Variants in KLHL3 observed in about 807,000 individuals in gnomAD.
KLHL3 encodes the protein kelch-like protein 3.
A neutral mutation model predicts 70.5 loss-of-function variants in KLHL3; 19 were observed. The observed-to-expected ratio is 0.27, with a 90% confidence interval of 0.19 to 0.40. The LOEUF (loss-of-function observed/expected upper bound fraction) is 0.40. KLHL3 is among the 10% of genes least tolerant of loss of function. KLHL3 has a pLI of 1.00. For synonymous variants in KLHL3, 258 were observed against 290.3 expected (o/e 0.89, Z 1.13); for missense variants, 512 against 771.1 (o/e 0.66, Z 3.98).
chr5:137,683,124 T>C (rs1752075201), intron 5 of KLHL3, among the ~76,000 whole-genome samples: 1 of 152,192 alleles, frequency 6.6e-6, no homozygotes. Context: ...TCACCCAAAT[T>C]TTATCATCCT....
chr5:137,626,383 A>G (rs1288728524), intron 13 of KLHL3, among the ~76,000 whole-genome samples: 1 of 152,180 alleles, frequency 6.6e-6, no homozygotes, highest in African/African-American at 2.4e-5. Context: ...TAATCCCTTT[A>G]CAAGACTGGG....
rs1332088916 is a variant in KLHL3 at position 137,668,162 on chromosome 5, G to C, written c.637-6131C>G. 1.3e-5 allele frequency among the ~76,000 whole-genome samples: 2 copies of C among 152,120 alleles called. 1 individual carries two copies. The highest frequency in any genetic ancestry group is 2.9e-5 in the Non-Finnish European group (2 of 68,016). Reference sequence around the variant, plus strand: ...TCACACCTGTAATCCCAGTACTGTGGGAGGCCGAGGAGGCCAAGGTGGGCG... The same window carrying C: ...TCACACCTGTAATCCCAGTACTGTGCGAGGCCGAGGAGGCCAAGGTGGGCG... On this transcript the variant is annotated intron_variant, in intron 6 of 14. Transcript: ENST00000309755.
chr5:137,724,574 G>C (rs1753056045), intron 1 of KLHL3, among the ~76,000 whole-genome samples: 1 of 152,224 alleles, frequency 6.6e-6, no homozygotes, highest in Non-Finnish European at 1.5e-5. Context: ...CAAGTGACTT[G>C]CTGATGACCA....
chr5:137,661,875 G>C (rs925893664), intron 7 of KLHL3, 40 bp downstream of exon 7: 1 of 1,125,124 alleles, frequency 8.9e-7, no homozygotes, highest in Admixed American at 1.7e-5. Context: ...TACAGGTCTG[G>C]GTGAACACAG....
At chr5:137,729,529 G>A (rs1561622612) in intron 1 of KLHL3, among the ~76,000 whole-genome samples, 2 of 152,146 alleles carry the variant, frequency 1.3e-5, no homozygotes, top group South Asian at 2.1e-4. Context: ...GGCCTCCCCC[G>A]TGGTTGTCCT....
intron 12 of KLHL3, chr5:137,629,623 A>G (rs1054054174): frequency 6.6e-5 from 10 of 152,262 alleles, no homozygotes; most frequent in African/African-American, 2.2e-4. Context: ...GCTCCACAGC[A>G]GTAGGTTCTC....
At chr5:137,733,353 T>C (rs1014427437) in intron 1 of KLHL3, among the ~76,000 whole-genome samples, 1 of 152,240 alleles carries the variant, frequency 6.6e-6, no homozygotes, top group African/African-American at 2.4e-5. Context: ...ACTTTCTTTT[T>C]AGTTATCAGA....
chr5:137,639,135 G>A lies in KLHL3; in HGVS notation c.1037C>T (p.Ala346Val), dbSNP rs755460792. 21 of 1,613,676 alleles carry A rather than the reference G, an allele frequency of 1.3e-5. No homozygotes were observed. The highest frequency in any genetic ancestry group is 1.8e-5 in the Non-Finnish European group (21 of 1,179,866). The change falls in exon 10 of 15, where the codon GCT (alanine) becomes GTT (valine). Residue 346 changes from alanine to valine, a missense_variant. Transcript: ENST00000309755. The surrounding 1 kb of genome is among the most constrained non-coding windows in gnomAD (Gnocchi z 5.0). ...CCCTCCCACGGCATACACGTGGCCAGCCATGAACACCACACCTGAGGCACA... is the reference window on the plus strand; with the variant it reads ...CCCTCCCACGGCATACACGTGGCCAACCATGAACACCACACCTGAGGCACA... The part of the protein sequence containing the change: ...RRCRAGVVFM[A>V]GHVYAVGGFN...
chr5:137,628,716 CACACACAG>C lies in KLHL3; in HGVS notation c.1451-287_1451-280del, dbSNP rs748621366. On this transcript the variant is annotated intron_variant, in intron 12 of 14. Transcript: ENST00000309755. ...TAAAAAATATATATATATATATACA[CACACACAG>C]ACAGACAGACATACATACATACATA... is the stretch of plus-strand genomic sequence containing the variant. The C allele has an allele frequency of 0.13, 19,092 of 151,372 alleles. 1,196 individuals carry two copies. The highest frequency in any genetic ancestry group is 0.16 in the Admixed American group (2,013 of 12,216). 9.4% of individuals were successfully genotyped at this position (151,372 alleles called of 1,614,324 possible).
chr5:137,662,419 A>T (rs1751505849), intron 6 of KLHL3, among the ~76,000 whole-genome samples: 1 of 152,184 alleles, frequency 6.6e-6, no homozygotes, highest in Admixed American at 6.5e-5. Context: ...GCTCAGGAAG[A>T]TCAGACCCTG....
rs10578622 is a variant in KLHL3, at chr5:137,682,403, TAGAGAGAGAG to T, written c.527-4759_527-4750del. Among the ~76,000 whole-genome samples the T allele has an allele frequency of 9.7e-4, 129 of 133,466 alleles. 1 individual carries two copies. In the South Asian group the frequency reaches 0.023, roughly 24 times the overall value. The allele number at this position is 133,466 out of a possible 152,430, so 87.6% of individuals were successfully genotyped here. Reference sequence around the variant, plus strand: ...GAATCCCTCTCAGGGGTGCTGGACATAGAGAGAGAGAGAGAGAGAGAGAGAGAGAGAGGCA... The same window carrying T: ...GAATCCCTCTCAGGGGTGCTGGACATAGAGAGAGAGAGAGAGAGAGAGGCA... On this transcript the variant is annotated intron_variant, in intron 5 of 14. Coordinates refer to ENST00000309755, the MANE Select transcript of KLHL3 (RefSeq NM_017415.3).
chr5:137,633,894 G>A, intron 12 of KLHL3, 143 bp downstream of exon 12: 2 of 1,091,820 alleles, frequency 1.8e-6, no homozygotes, highest in Non-Finnish European at 2.7e-6. Context: ...GGGTACACTA[G>A]AAGCCCAAAC....
intron 8 of KLHL3, among the ~76,000 whole-genome samples, chr5:137,644,218 AC>A (rs1750987075): frequency 6.6e-6 from 1 of 152,004 alleles, no homozygotes; most frequent in South Asian, 2.1e-4. Flanking sequence ...ACAGGTGCCC[AC>A]CACCACACCC....
intron 7 of KLHL3, chr5:137,660,578 C>G (rs1751448977): frequency 2.0e-5 from 3 of 152,216 alleles, no homozygotes; most frequent in Admixed American, 1.3e-4. Context: ...GCAAGCATAT[C>G]CCTCAGCACC....
Position 137,635,027 on chromosome 5 carries a change from T to C in KLHL3, c.1322-862A>G, listed in dbSNP as rs572045139. Reference sequence around the variant, plus strand: ...TCACACTAGCTGTAGACTAAATAAATATCACCAAATGCAAATCTATTTAAC... The same window carrying C: ...TCACACTAGCTGTAGACTAAATAAACATCACCAAATGCAAATCTATTTAAC... On this transcript the variant is annotated intron_variant, in intron 11 of 14. Coordinates refer to ENST00000309755, the MANE Select transcript of KLHL3 (RefSeq NM_017415.3). Among the ~76,000 whole-genome samples the C allele has an allele frequency of 2.6e-5, 4 of 152,290 alleles. No individual in the cohort carries two copies. The South Asian group carries it at 8.3e-4, about 32-fold the overall frequency.
intron 8 of KLHL3, among the ~76,000 whole-genome samples, chr5:137,652,765 A>C (rs1299375427): frequency 3.3e-5 from 5 of 152,152 alleles, no homozygotes; most frequent in African/African-American, 1.2e-4. Flanking sequence ...ACTATAGTTA[A>C]TAACAATGTA....
intron 2 of KLHL3, among the ~76,000 whole-genome samples, chr5:137,717,157 G>T (rs867462935): frequency 6.6e-6 from 1 of 152,212 alleles, no homozygotes; most frequent in South Asian, 2.1e-4. Flanking sequence ...CTATGGCCAA[G>T]GACTTAGAGC....
chr5:137,718,855 A>G (rs749505460), intron 2 of KLHL3, among the ~76,000 whole-genome samples: 7 of 152,262 alleles, frequency 4.6e-5, no homozygotes, highest in Non-Finnish European at 7.3e-5. Context: ...TGAGCAGTGG[A>G]GCATAAGACA....
intron 6 of KLHL3, among the ~76,000 whole-genome samples, chr5:137,663,512 A>ATG (rs1751538430): frequency 6.6e-6 from 1 of 151,144 alleles, no homozygotes; most frequent in Non-Finnish European, 1.5e-5. Flanking sequence ...TTAAATATAT[A>ATG]TATTTAAAGT....
Sources: allele counts gnomAD v4.1 joint callset (sites outside exome capture counted in the v4.1 genomes callset), GRCh38; gene constraint gnomAD v4.1.1; non-coding constraint Gnocchi (gnomAD v3.1); transcripts MANE v1.5; gene names NCBI Gene and HGNC (gene_info 2026-07-23, HGNC 2026-07-21).